The following IMPA1 variants were observed in gnomAD, a reference collection of about 807,000 sequenced individuals.
The protein encoded by IMPA1 is D-galactose 1-phosphate phosphatase.
In IMPA1, 21 loss-of-function variants were observed where a neutral mutation model predicts 34.9. The observed-to-expected ratio is 0.60, with a 90% confidence interval of 0.43 to 0.87. IMPA1 has a LOEUF of 0.87. IMPA1 is among the 40% of genes least tolerant of loss of function. The probability of loss-of-function intolerance (pLI) is 0.00; values close to 1 mark genes in which losing one functional copy is unlikely to be tolerated. For missense variants in IMPA1, 299 were observed against 336.4 expected, an observed-to-expected ratio of 0.89 and a Z score of 0.87; for synonymous variants, 95 against 104.4, an observed-to-expected ratio of 0.91 and a Z score of 0.55.
At chr8:81,662,641 A>G (rs79577113) in intron 7 of IMPA1, among the ~76,000 whole-genome samples, 2,364 of 152,248 alleles carry the variant, frequency 0.016, 63 homozygotes, top group African/African-American at 0.053. Flanking sequence ...TGTCACAAAG[A>G]TTTGAGTTTG....
rs186055186 is a variant in IMPA1 at position 81,663,758 on chromosome 8, G to C, written c.567-3091C>G. Reference sequence around the variant, plus strand: ...TATGGTCAAAGAAATACTATTTAATGGCGGGGCGCAGTGGCTCAGGCCTGT... The same window carrying C: ...TATGGTCAAAGAAATACTATTTAATCGCGGGGCGCAGTGGCTCAGGCCTGT... On this transcript the variant is annotated intron_variant, in intron 7 of 8. Transcript: ENST00000256108. 3.5e-3 allele frequency among the ~76,000 whole-genome samples: 531 copies of C among 152,312 alleles called. 3 individuals are homozygous for C. Among genetic ancestry groups the C allele is most frequent in the Admixed American group, 8.4e-3 (128 of 15,292 alleles).
chr8:81,671,718 A>G (rs1806993164), intron 6 of IMPA1, among the ~76,000 whole-genome samples: 2 of 152,112 alleles, frequency 1.3e-5, no homozygotes, highest in South Asian at 4.2e-4. Flanking sequence ...CAACATGGTG[A>G]AACCCCATCT....
intron 6 of IMPA1, among the ~76,000 whole-genome samples, chr8:81,671,627 G>A (rs1806990483): frequency 6.6e-6 from 1 of 152,174 alleles, no homozygotes; most frequent in African/African-American, 2.4e-5. Context: ...GCTGGGCATG[G>A]TGGCTCACAC....
rs1380990695 is a variant in IMPA1, at chr8:81,658,086, TA to T, written c.*1264del. On this transcript the variant is annotated 3_prime_UTR_variant, in exon 9 of 9. Transcript: ENST00000256108. ...ACAAATAATTATAGCAGTCAAACCTTAGTATCACACATACTTAATATATTAG... is the reference window on the plus strand; with the variant it reads ...ACAAATAATTATAGCAGTCAAACCTTGTATCACACATACTTAATATATTAG... 6.6e-6 allele frequency: 1 copy of T among 151,718 alleles called. No individual in the cohort carries two copies. Among genetic ancestry groups the T allele is most frequent in the African/African-American group, 2.4e-5 (1 of 41,024 alleles). 9.4% of individuals were successfully genotyped at this position (151,718 alleles called of 1,614,324 possible).
chr8:81,661,179 C>T (rs1471876226), intron 7 of IMPA1, among the ~76,000 whole-genome samples: 1 of 152,160 alleles, frequency 6.6e-6, no homozygotes, highest in East Asian at 1.9e-4. Flanking sequence ...CAGGTTTGCC[C>T]TCTCATAGCA....
chr8:81,679,857 C>T (rs926217546), intron 3 of IMPA1, among the ~76,000 whole-genome samples: 5 of 152,146 alleles, frequency 3.3e-5, no homozygotes, highest in Admixed American at 2.0e-4. Flanking sequence ...AAAATAGGGG[C>T]CAGGTGTGGT....
intron 5 of IMPA1, among the ~76,000 whole-genome samples, chr8:81,675,414 A>G (rs954861267): frequency 1.3e-5 from 2 of 151,994 alleles, no homozygotes; most frequent in East Asian, 3.9e-4. Flanking sequence ...ACCACATATC[A>G]TCTTTACCTG....
intron 7 of IMPA1, among the ~76,000 whole-genome samples, chr8:81,661,709 CTTATA>C (rs772570575): frequency 1.1e-4 from 17 of 152,176 alleles, no homozygotes; most frequent in African/African-American, 2.4e-4. Flanking sequence ...TGAATAAAGT[CTTATA>C]TTAGATTATG....
intron 1 of IMPA1, chr8:81,685,816 T>C (rs1223745729): frequency 1.3e-6 from 2 of 1,550,788 alleles, no homozygotes; most frequent in African/African-American, 2.7e-5. Context: ...GTTTCTGTCC[T>C]GGTCACAGCC....
intron 5 of IMPA1, among the ~76,000 whole-genome samples, 169 bp downstream of exon 5, chr8:81,676,065 A>G (rs1171505142): frequency 6.6e-6 from 1 of 152,220 alleles, no homozygotes; most frequent in Non-Finnish European, 1.5e-5. Context: ...ATTTTATCCA[A>G]TGCAAATGTA....
intron 7 of IMPA1, among the ~76,000 whole-genome samples, chr8:81,667,748 T>TC (rs1806873275): frequency 6.6e-6 from 1 of 151,838 alleles, no homozygotes; most frequent in Non-Finnish European, 1.5e-5. Flanking sequence ...GAACAAGGTA[T>TC]CGGATCCTGG....
At position 81,681,530 on chromosome 8, in the gene IMPA1, A is replaced by G; in HGVS notation, c.31T>C (p.Tyr11His). 1 of 1,607,800 alleles carries G rather than the reference A, an allele frequency of 6.2e-7. No homozygotes were observed. The highest frequency in any genetic ancestry group is 8.5e-7 in the Non-Finnish European group (1 of 1,174,882). MADPWQECMDYAVTLARQAGE... is the reference protein window; with the variant it reads MADPWQECMDHAVTLARQAGE... ...GCTTGTCTTGCTAGAGTTACTGCAT[A>G]ATCCATGCATTCCTGCCAAGGATCA... The change falls in exon 2 of 9, where the codon TAT becomes CAT. Residue 11 changes from tyrosine (Y) to histidine (H), a missense_variant. Tyr to His is a moderately conservative substitution (Grantham distance 83). Transcript: ENST00000256108.
At chr8:81,665,614 A>C (rs1806798964) in intron 7 of IMPA1, among the ~76,000 whole-genome samples, 1 of 152,144 alleles carries the variant, frequency 6.6e-6, no homozygotes, top group African/African-American at 2.4e-5. Context: ...AAAAGACATG[A>C]ACCTATATAC....
chr8:81,676,233 C>A lies in IMPA1; in HGVS notation c.348+1G>T. The A allele has an allele frequency of 7.5e-7, 1 of 1,325,632 alleles. No individual in the cohort carries two copies. The allele number at this position is 1,325,632 out of a possible 1,614,324, so 82.1% of individuals were successfully genotyped here. On this transcript the variant is annotated splice_donor_variant, in intron 5 of 8. Coordinates refer to ENST00000256108, the MANE Select transcript of IMPA1 (RefSeq NM_005536.4). LOFTEE classifies it high-confidence loss of function. ...TCAACTATACGTTTAAAAAATCATA[C>A]CTTTTTATTTACAGCAAAGCCAATT... is the stretch of plus-strand genomic sequence containing the variant.
intron 7 of IMPA1, among the ~76,000 whole-genome samples, chr8:81,661,907 G>A (rs1806686372): frequency 6.6e-6 from 1 of 152,118 alleles, no homozygotes; most frequent in Admixed American, 6.5e-5. Context: ...ATGGTAATAA[G>A]GGAGTGAGTT....
At position 81,659,179 on chromosome 8, in the gene IMPA1, T is replaced by C. The variant is rs1184681997; in HGVS notation, c.*172A>G. The C allele has an allele frequency of 1.7e-6, 1 of 605,160 alleles. No homozygotes were observed. The highest frequency in any genetic ancestry group is 2.9e-6 in the Non-Finnish European group (1 of 343,480). The allele number at this position is 605,160 out of a possible 1,614,324, so 37.5% of individuals were successfully genotyped here. ...ATTTTTTAAATCAGTGAAACAAACA[T>C]TATGTCAATTCTTGCAAACCTAGAC... On this transcript the variant is annotated 3_prime_UTR_variant, in exon 9 of 9. Coordinates refer to ENST00000256108, the MANE Select transcript of IMPA1 (RefSeq NM_005536.4).
Position 81,657,590 on chromosome 8 carries a change from AAAAC to A in IMPA1, c.*1757_*1760del, listed in dbSNP as rs1270367736. ...AGCAAGACACTGTCTTCAAAAAACA[AAAAC>A]AAAACAAAGCCTCTAAAAGTAGTTT... On this transcript the variant is annotated 3_prime_UTR_variant, in exon 9 of 9. Transcript: ENST00000256108. Among the ~76,000 whole-genome samples, 2 of 152,068 alleles carry A rather than the reference AAAAC, an allele frequency of 1.3e-5. No individual in the cohort carries two copies. Among genetic ancestry groups the A allele is most frequent in the Non-Finnish European group, 2.9e-5 (2 of 68,010 alleles).
At chr8:81,686,228 C>A (rs1807522317) in intron 1 of IMPA1, 24 bp downstream of exon 1, 7 of 1,008,960 alleles carry the variant, frequency 6.9e-6, no homozygotes, top group African/African-American at 1.7e-5. Context: ...CCGGAGGGTG[C>A]GGTGAGGAAA....
intron 1 of IMPA1, chr8:81,685,964 CT>C: frequency 6.7e-7 from 1 of 1,497,252 alleles, no homozygotes; most frequent in Non-Finnish European, 9.0e-7. Context: ...TTTCTAGGAG[CT>C]TTTCGGAGTT....
Sources: allele counts gnomAD v4.1 joint callset (sites outside exome capture counted in the v4.1 genomes callset), GRCh38; gene constraint gnomAD v4.1.1; transcripts MANE v1.5; gene names NCBI Gene and HGNC (gene_info 2026-07-23, HGNC 2026-07-21).